LRRC4C: variants seen among roughly 807,000 people sequenced by gnomAD.
LRRC4C encodes leucine-rich repeat-containing protein 4C.
Under a neutral mutation model 33.6 loss-of-function variants are expected in LRRC4C, and 5 were observed. That is an observed-to-expected ratio of 0.15 (90% CI 0.08 to 0.31). The LOEUF is 0.31. LRRC4C is among the 10% of genes least tolerant of loss of function. The pLI is 1.00. For missense variants in LRRC4C, 560 were observed against 796.7 expected (o/e 0.70, Z 3.58); for synonymous variants, 329 against 302.0 (o/e 1.09, Z -0.93).
At chr11:40,308,915 C>A (rs909264359) in intron 4 of LRRC4C, among the ~76,000 whole-genome samples, 3 of 152,298 alleles carry the variant, frequency 2.0e-5, no homozygotes, top group Admixed American at 2.0e-4. Flanking sequence ...GCATATGAAT[C>A]ATCAGAATGG....
At chr11:40,263,986 A>G (rs1308406545) in intron 4 of LRRC4C, among the ~76,000 whole-genome samples, 1 of 152,188 alleles carries the variant, frequency 6.6e-6, no homozygotes, top group East Asian at 1.9e-4. Context: ...AGCATGGCTG[A>G]GTGGTCTAAG....
chr11:40,500,769 T>G (rs1046908175), intron 3 of LRRC4C, among the ~76,000 whole-genome samples: 2 of 152,034 alleles, frequency 1.3e-5, no homozygotes, highest in African/African-American at 4.8e-5. Context: ...ACCCATATCA[T>G]TTCACACCTT....
At chr11:41,107,685 C>T (rs1941586390) in intron 1 of LRRC4C, among the ~76,000 whole-genome samples, 1 of 152,022 alleles carries the variant, frequency 6.6e-6, no homozygotes, top group Non-Finnish European at 1.5e-5. Flanking sequence ...CAACTGTAAT[C>T]CCAGCACTTT....
chr11:40,822,764 G>T (rs530603856), intron 2 of LRRC4C, among the ~76,000 whole-genome samples: 3 of 151,736 alleles, frequency 2.0e-5, no homozygotes, highest in East Asian at 1.9e-4. Flanking sequence ...TTTCTAAAGC[G>T]CTTCCCTAAT....
At chr11:41,054,787 A>G (rs1858497706) in intron 1 of LRRC4C, among the ~76,000 whole-genome samples, 1 of 152,220 alleles carries the variant, frequency 6.6e-6, no homozygotes, top group Admixed American at 6.5e-5. Flanking sequence ...TGCAGTGTAC[A>G]GTCCAGAAGA....
chr11:40,358,906 A>C (rs1410573312), intron 3 of LRRC4C, among the ~76,000 whole-genome samples: 1 of 152,074 alleles, frequency 6.6e-6, no homozygotes, highest in Non-Finnish European at 1.5e-5. Context: ...CTCAAATGTG[A>C]GCTGGTGCTG....
At chr11:40,574,689 T>C (rs1289694789) in intron 3 of LRRC4C, among the ~76,000 whole-genome samples, 1 of 152,132 alleles carries the variant, frequency 6.6e-6, no homozygotes, top group Non-Finnish European at 1.5e-5. Flanking sequence ...ATCATGGGGG[T>C]GGAGCTGGCT....
chr11:40,494,431 GAGA>G (rs1198595892), intron 3 of LRRC4C, among the ~76,000 whole-genome samples: 1 of 152,118 alleles, frequency 6.6e-6, no homozygotes, highest in Non-Finnish European at 1.5e-5. Flanking sequence ...TTTCAAGATA[GAGA>G]ATAGTGATTA....
At chr11:40,951,424 A>T (rs1283129217) in intron 1 of LRRC4C, among the ~76,000 whole-genome samples, 3 of 88,282 alleles carry the variant, frequency 3.4e-5, no homozygotes, top group Admixed American at 1.1e-4. Flanking sequence ...GTGAAAATTA[A>T]AAAAAAAAAT....
At chr11:40,937,605 G>A (rs976856656) in intron 1 of LRRC4C, among the ~76,000 whole-genome samples, 3 of 99,268 alleles carry the variant, frequency 3.0e-5, no homozygotes, top group Admixed American at 1.2e-4. Flanking sequence ...GTGTGTATAT[G>A]TGTGTGTGTG....
intron 1 of LRRC4C, among the ~76,000 whole-genome samples, chr11:41,289,292 T>C (rs1238848957): frequency 6.6e-6 from 1 of 152,198 alleles, no homozygotes. Flanking sequence ...TATTTTTCCA[T>C]CTCAAAAATA....
intron 1 of LRRC4C, among the ~76,000 whole-genome samples, chr11:41,409,196 A>C (rs11036390): frequency 0.37 from 56,936 of 151,980 alleles, 11,474 homozygotes; most frequent in African/African-American, 0.51. Context: ...CCACTTTTCC[A>C]ATTAACACAA....
intron 1 of LRRC4C, among the ~76,000 whole-genome samples, chr11:41,126,035 A>T (rs966634227): frequency 6.6e-6 from 1 of 152,230 alleles, no homozygotes; most frequent in East Asian, 1.9e-4. Flanking sequence ...AACTAAAAAA[A>T]ATAACCAAGT....
chr11:40,195,466 A>T (rs1309060893), intron 5 of LRRC4C, among the ~76,000 whole-genome samples: 4 of 152,140 alleles, frequency 2.6e-5, no homozygotes, highest in Admixed American at 2.6e-4. Context: ...GAAGAAATAA[A>T]AACTGTTCTA....
intron 2 of LRRC4C, among the ~76,000 whole-genome samples, chr11:40,739,002 T>A (rs1371069219): frequency 7.4e-6 from 1 of 135,948 alleles, no homozygotes; most frequent in East Asian, 2.1e-4. Flanking sequence ...TGCACATAAT[T>A]GCTATTGTGT....
intron 1 of LRRC4C, among the ~76,000 whole-genome samples, chr11:41,353,795 T>A (rs1952063707): frequency 2.6e-5 from 4 of 151,924 alleles, no homozygotes; most frequent in Admixed American, 2.6e-4. Context: ...AACAGACACA[T>A]AACTCTTTCA....
chr11:41,078,060 G>T (rs544746478), intron 1 of LRRC4C, among the ~76,000 whole-genome samples: 1 of 152,116 alleles, frequency 6.6e-6, no homozygotes, highest in South Asian at 2.1e-4. Flanking sequence ...TGTGACCTAC[G>T]TTTCAGTTCC....
At chr11:40,426,590 A>T (rs1199259607) in intron 3 of LRRC4C, among the ~76,000 whole-genome samples, 1 of 152,124 alleles carries the variant, frequency 6.6e-6, no homozygotes, top group Admixed American at 6.6e-5. Context: ...CTTAGCATTT[A>T]TCAGCCTCTG....
chr11:41,186,597 T>A (rs1266326620), intron 1 of LRRC4C, among the ~76,000 whole-genome samples: 3 of 152,200 alleles, frequency 2.0e-5, no homozygotes, highest in African/African-American at 4.8e-5. Context: ...ATTAACAATG[T>A]TTTGCACATC....
Sources: gnomAD v4.1 joint callset for allele counts (sites outside exome capture counted in the v4.1 genomes callset) on GRCh38, gnomAD v4.1.1 for gene constraint, MANE v1.5 for transcripts, NCBI Gene and HGNC (gene_info 2026-07-23, HGNC 2026-07-21) for gene names.